The following GSN variants were observed in gnomAD, a reference collection of about 807,000 sequenced individuals.
GSN encodes gelsolin.
GSN carries 56 observed loss-of-function variants against 85.7 expected under a neutral mutation model. The observed-to-expected ratio is 0.65, with a 90% confidence interval of 0.53 to 0.82. GSN has a LOEUF of 0.82. GSN is among the 40% of genes least tolerant of loss of function. GSN has a pLI of 0.00. For missense variants in GSN, 857 were observed against 979.8 expected (o/e 0.87, Z 1.67); for synonymous variants, 373 against 399.1 (o/e 0.93, Z 0.78).
At chr9:121,206,418 T>C (rs1588389984), upstream of GSN, among the ~76,000 whole-genome samples, 1 of 152,160 alleles carries the variant, frequency 6.6e-6, no homozygotes, top group South Asian at 2.1e-4. Flanking sequence ...ATTCAACTTA[T>C]CACACTAAAA....
At chr9:121,208,835 A>G (rs985770735) in intron 1 of GSN, among the ~76,000 whole-genome samples, 35 of 152,204 alleles carry the variant, frequency 2.3e-4, no homozygotes, top group African/African-American at 8.4e-4. Context: ...TTCATTGCCT[A>G]AAAGGGGGGC....
chr9:121,240,774 C>T (rs184211887), intron 5 of GSN, among the ~76,000 whole-genome samples: 171 of 152,266 alleles, frequency 1.1e-3, no homozygotes, highest in African/African-American at 3.8e-3. Context: ...CAGGTGAAAC[C>T]GCAGGAGTTT....
chr9:121,247,121 G>A (rs1338660691), intron 5 of GSN, among the ~76,000 whole-genome samples: 1 of 151,254 alleles, frequency 6.6e-6, no homozygotes, highest in African/African-American at 2.4e-5. Flanking sequence ...GGTTGACTGC[G>A]GAAAGTCAGC....
intron 5 of GSN, among the ~76,000 whole-genome samples, chr9:121,234,796 C>CTATG (rs1376963206): frequency 6.6e-6 from 1 of 152,190 alleles, no homozygotes; most frequent in Non-Finnish European, 1.5e-5. Flanking sequence ...CTGCAGTGAG[C>CTATG]TATGATTGCA....
chr9:121,247,147 A>G (rs755625430), intron 5 of GSN, among the ~76,000 whole-genome samples: 6 of 152,338 alleles, frequency 3.9e-5, no homozygotes, highest in East Asian at 1.9e-4. Context: ...GGGGCAAGGA[A>G]GACTCGGTTC....
chr9:121,305,607 C>T (rs2060320736), intron 4 of GSN, among the ~76,000 whole-genome samples: 1 of 152,190 alleles, frequency 6.6e-6, no homozygotes, highest in South Asian at 2.1e-4. Context: ...CTTTGATCCT[C>T]GCTCGGATAT....
chr9:121,286,237 C>T (rs1038865305), intron 2 of GSN: 24 of 1,215,936 alleles, frequency 2.0e-5, no homozygotes, highest in South Asian at 3.9e-5. Context: ...AGAGGAGGGA[C>T]GCCAGGGAGA....
chr9:121,311,117 TAA>T (rs566342492), intron 5 of GSN: 63 of 499,186 alleles, frequency 1.3e-4, no homozygotes, highest in Non-Finnish European at 2.1e-4. Flanking sequence ...CACATGCTTA[TAA>T]ATATATAACA....
chr9:121,212,816 G>A (rs2132077847), intron 4 of GSN, among the ~76,000 whole-genome samples: 1 of 151,866 alleles, frequency 6.6e-6, no homozygotes, highest in South Asian at 2.1e-4. Flanking sequence ...GCTAATTTTT[G>A]TATATTTTTT....
At chr9:121,292,489 T>G (rs975429903) in intron 2 of GSN, among the ~76,000 whole-genome samples, 14 of 152,338 alleles carry the variant, frequency 9.2e-5, no homozygotes, top group African/African-American at 3.4e-4. Flanking sequence ...TCTGGACACA[T>G]GCTGTAGGTC....
intron 12 of GSN, among the ~76,000 whole-genome samples, chr9:121,325,462 G>A (rs937170257): frequency 6.6e-6 from 1 of 152,150 alleles, no homozygotes; most frequent in Non-Finnish European, 1.5e-5. Context: ...GGTGCTCAGA[G>A]GGGCCAGACC....
At chr9:121,290,612 T>G (rs2058593459) in intron 2 of GSN, among the ~76,000 whole-genome samples, 1 of 152,210 alleles carries the variant, frequency 6.6e-6, no homozygotes, top group Non-Finnish European at 1.5e-5. Context: ...TACATTTAGA[T>G]AGTAAAAAGG....
intron 5 of GSN, among the ~76,000 whole-genome samples, chr9:121,242,573 A>T (rs1369251680): frequency 6.6e-6 from 1 of 152,200 alleles, no homozygotes; most frequent in Non-Finnish European, 1.5e-5. Context: ...TTTATAAAAT[A>T]TATGTTAAAT....
At chr9:121,240,322 A>G (rs1197872618) in intron 5 of GSN, among the ~76,000 whole-genome samples, 1 of 152,178 alleles carries the variant, frequency 6.6e-6, no homozygotes, top group Non-Finnish European at 1.5e-5. Context: ...TTGGGGATTC[A>G]ACTCATAACA....
Position 121,299,998 on chromosome 9 carries a change from A to C in GSN, c.-9-1965A>C. 1 of 1,441,210 alleles carries C rather than the reference A, an allele frequency of 6.9e-7. No individual in the cohort carries two copies. Among genetic ancestry groups the C allele is most frequent in the Non-Finnish European group, 9.2e-7 (1 of 1,087,446 alleles). The allele number at this position is 1,441,210 out of a possible 1,614,324, so 89.3% of individuals were successfully genotyped here. On this transcript the variant is annotated intron_variant, in intron 2 of 17. Transcript: ENST00000432226. The surrounding 1 kb of genome is among the most constrained non-coding windows in gnomAD (Gnocchi z 4.2). ...GGGGCGCCCCAGGGGCGGGTGCCCG[A>C]GGCGCGGGTGAGTGCCCGGGGGGCC...
At chr9:121,286,250 C>A (rs930489088) in intron 2 of GSN, 2 of 1,088,776 alleles carry the variant, frequency 1.8e-6, no homozygotes, top group South Asian at 1.4e-5. Context: ...CAGGGAGACC[C>A]GAGGGAAAGT....
intron 2 of GSN, chr9:121,282,414 C>A: frequency 8.9e-7 from 1 of 1,119,718 alleles, no homozygotes; most frequent in African/African-American, 1.6e-5. Flanking sequence ...CCCTCCAACC[C>A]ACGCCATCCC....
At chr9:121,230,482 A>G (rs1180479675) in intron 4 of GSN, among the ~76,000 whole-genome samples, 1 of 152,222 alleles carries the variant, frequency 6.6e-6, no homozygotes, top group African/African-American at 2.4e-5. Flanking sequence ...CACAATTAGT[A>G]ACACATTTCA....
chr9:121,244,834 A>G (rs2054668306), intron 5 of GSN, among the ~76,000 whole-genome samples: 1 of 152,202 alleles, frequency 6.6e-6, no homozygotes, highest in African/African-American at 2.4e-5. Flanking sequence ...ATAGTATGCA[A>G]TCATTTATCT....
Sources: allele counts gnomAD v4.1 joint callset (sites outside exome capture counted in the v4.1 genomes callset), GRCh38; gene constraint gnomAD v4.1.1; non-coding constraint Gnocchi (gnomAD v3.1); transcripts MANE v1.5; gene names NCBI Gene and HGNC (gene_info 2026-07-23, HGNC 2026-07-21).